Variants in TTN observed in about 807,000 individuals in gnomAD.
The protein encoded by TTN is connectin.
In TTN, 1,525 loss-of-function variants were observed where a neutral mutation model predicts 3,223.0. The observed-to-expected ratio is 0.47, with a 90% CI of 0.45 to 0.49. The LOEUF (loss-of-function observed/expected upper bound fraction) is 0.49, where lower values mean the gene tolerates loss of function less well. TTN is among the 20% of genes least tolerant of loss of function. The probability of loss-of-function intolerance (pLI) is 0.00; values close to 1 mark genes in which losing one functional copy is unlikely to be tolerated. For synonymous variants in TTN, 14,094 were observed against 15,161.0 expected (o/e 0.93, Z 5.17); for missense variants, 40,786 against 43,424.0 (o/e 0.94, Z 5.40).
At chr2:178,647,515 A>G in intron 213 of TTN, 51 bp from the exon 214 acceptor site, 1 of 1,522,416 alleles carries the variant, frequency 6.6e-7, no homozygotes, top group Non-Finnish European at 8.9e-7. Flanking sequence ...GACATGCAAG[A>G]TTGTCTAAAG....
intron 211 of TTN, 59 bp from the exon 212 acceptor site, chr2:178,649,690 C>T: frequency 6.5e-7 from 1 of 1,536,470 alleles, no homozygotes; most frequent in Non-Finnish European, 8.9e-7. Flanking sequence ...GATATACATA[C>T]AAGTTTATTC....
chr2:178,647,067 C>A lies in TTN; in HGVS notation c.40219G>T (p.Glu13407Ter). 2.5e-6 allele frequency: 3 copies of A among 1,208,410 alleles called. No homozygotes were observed. Among genetic ancestry groups the A allele is most frequent in the East Asian group, 3.0e-5 (1 of 33,484 alleles). 74.9% of individuals were successfully genotyped at this position (1,208,410 alleles called of 1,614,324 possible). A position where few individuals can be genotyped will look rare whatever the true frequency, so the allele number is the denominator to read the frequency against. The part of the protein sequence containing the change: ...TIGRKETPPV[E>*]EREIEKYIKP... ...ATATATATATATATATATATACCTT[C>A]AACAGGGGGAGTCTCTTTTCTACCA... Residue 13407 changes from glutamate (E) to a stop codon, truncating the protein, a stop_gained, in exon 215 of 363, where the codon GAA becomes TAA. Transcript: ENST00000589042. LOFTEE classifies it high-confidence loss of function.
At chr2:178,746,908 G>T in intron 47 of TTN, 1 of 1,613,412 alleles carries the variant, frequency 6.2e-7, no homozygotes, top group African/African-American at 1.3e-5. Context: ...CAAATGAATC[G>T]GAACGCCATA....
rs747598377 is a variant in TTN at position 178,773,853 on chromosome 2, G to A, written c.7315C>T (p.Arg2439Cys). Residue 2439 changes from arginine (R) to cysteine (C), a missense_variant, in exon 31 of 363, where the codon CGT becomes TGT. Transcript: ENST00000589042. Reference sequence around the variant, plus strand: ...TAGGACTCACTATAGACAGAGACACGCCCACTGGTGGAGAGGCCAAGGGCT... The same window carrying A: ...TAGGACTCACTATAGACAGAGACACACCCACTGGTGGAGAGGCCAAGGGCT... ...IPALGLSTSG[R>C]VSVYSVDVIT... 16 of 1,614,010 alleles carry A rather than the reference G, an allele frequency of 9.9e-6. No homozygotes were observed. The highest frequency in any genetic ancestry group is 3.3e-5 in the Admixed American group (2 of 60,010).
chr2:178,608,112 T>G, intron 275 of TTN, 31 bp from the exon 276 acceptor site: 1 of 1,606,730 alleles, frequency 6.2e-7, no homozygotes, highest in Non-Finnish European at 8.5e-7. Flanking sequence ...CAAATCAAAC[T>G]CCCTGATGGT....
chr2:178,669,654 A>G lies in TTN; in HGVS notation c.35408T>C (p.Ile11803Thr). 9.3e-6 allele frequency: 15 copies of G among 1,612,172 alleles called. No homozygotes were observed. Among genetic ancestry groups the G allele is most frequent in the South Asian group, 3.3e-5 (3 of 91,048 alleles). The change falls in exon 158 of 363, where the codon ATT (isoleucine) becomes ACT (threonine). Residue 11803 changes from isoleucine to threonine, a missense_variant. Ile to Thr is a moderately conservative substitution (Grantham distance 89, BLOSUM62 -1). Coordinates refer to ENST00000589042, the MANE Select transcript of TTN (RefSeq NM_001267550.2). ...TTCACGAACTTTTTCTTCTGGGACA[A>G]TTTTCTTGGGTACTTCGGGTGCTTT... Reference protein sequence around the residue: ...PTKAPEVPKKIVPEEKVREAV... With the variant: ...PTKAPEVPKKTVPEEKVREAV...
chr2:178,723,741 A>G, intron 73 of TTN, 45 bp from the exon 74 acceptor site: 1 of 1,529,624 alleles, frequency 6.5e-7, no homozygotes, highest in Non-Finnish European at 8.8e-7. Flanking sequence ...TAAGCTTCAG[A>G]TGGAGTTGCA....
rs373171028 is a variant in TTN at position 178,672,799 on chromosome 2, A to C, written c.34787-96T>G. On this transcript the variant is annotated intron_variant, in intron 152 of 362. Coordinates refer to ENST00000589042, the MANE Select transcript of TTN (RefSeq NM_001267550.2). ...ACAACGCCAACATTACAATAATTAA[A>C]GTTTTTCAGAAGTCACTCTGTACTG... 7.8e-6 allele frequency: 8 copies of C among 1,026,958 alleles called. No individual in the cohort carries two copies. The East Asian group carries it at 1.6e-4, about 20-fold the overall frequency. 63.6% of individuals were successfully genotyped at this position (1,026,958 alleles called of 1,614,324 possible). A position where few individuals can be genotyped will look rare whatever the true frequency, so the allele number is the denominator to read the frequency against.
Position 178,733,513 on chromosome 2 carries a change from A to G in TTN, c.15780T>C (p.Pro5260=), listed in dbSNP as rs765272935. 1 of 1,609,722 alleles carries G rather than the reference A, an allele frequency of 6.2e-7. No homozygotes were observed. The highest frequency in any genetic ancestry group is 2.2e-5 in the East Asian group (1 of 44,796). ...TSVGELIVKE[P]AKIIERAELI... Reference sequence around the variant, plus strand: ...GTTCTGCTCGCTCAATGATTTTGGCAGGTTCTACAATGGTATGAAATAGTT... The same window carrying G: ...GTTCTGCTCGCTCAATGATTTTGGCGGGTTCTACAATGGTATGAAATAGTT... Residue 5260 remains proline (P), a synonymous_variant, in exon 54 of 363, where the codon CCT becomes CCC. Coordinates refer to ENST00000589042, the MANE Select transcript of TTN (RefSeq NM_001267550.2).
Position 178,565,239 on chromosome 2 carries a change from G to C in TTN, c.80893C>G (p.Leu26965Val), listed in dbSNP as rs1186366124. 1 of 1,613,576 alleles carries C rather than the reference G, an allele frequency of 6.2e-7. No individual in the cohort carries two copies. Among genetic ancestry groups the C allele is most frequent in the Admixed American group, 1.7e-5 (1 of 59,966 alleles). The change falls in exon 326 of 363, where the codon CTC becomes GTC. Residue 26965 changes from leucine (L) to valine (V), a missense_variant. By Grantham distance (32) the Leu-to-Val change is conservative. Coordinates refer to ENST00000589042, the MANE Select transcript of TTN (RefSeq NM_001267550.2). ...GGCTTTTCTAAAACGATAACACTGA[G>C]ATTTTCTGTTGCTGTGCCTGCACTA... ...TNSAGTATEN[L>V]SVIVLEKPGP...
At chr2:178,757,022 G>A (rs1371880817) in intron 45 of TTN, among the ~76,000 whole-genome samples, 1 of 152,084 alleles carries the variant, frequency 6.6e-6, no homozygotes, top group African/African-American at 2.4e-5. Context: ...TCATGCAGAT[G>A]CCATGCAGTA....
In TTN at chr2:178,583,882, A is replaced by G. The variant is rs762578274; in HGVS notation, c.65300T>C (p.Ile21767Thr). 3.3e-5 allele frequency: 52 copies of G among 1,591,668 alleles called. No homozygotes were observed. Among genetic ancestry groups the G allele is most frequent in the Non-Finnish European group, 4.0e-5 (47 of 1,166,008 alleles). Reference sequence around the variant, plus strand: ...AGATACAGTACTCTTGGTGACATCAATAACCTCAGGTTTCCCAGGAGGATC... The same window carrying G: ...AGATACAGTACTCTTGGTGACATCAGTAACCTCAGGTTTCCCAGGAGGATC... ...PVDPPGKPEV[I>T]DVTKSTVSLI... Residue 21767 changes from isoleucine (I) to threonine (T), a missense_variant, in exon 312 of 363, where the codon ATT (isoleucine) becomes ACT (threonine). Coordinates refer to ENST00000589042, the MANE Select transcript of TTN (RefSeq NM_001267550.2).
intron 88 of TTN, 61 bp from the exon 89 acceptor site, chr2:178,715,835 T>C: frequency 6.8e-7 from 1 of 1,460,380 alleles, no homozygotes; most frequent in Non-Finnish European, 9.1e-7. Context: ...TAATTCAAGA[T>C]GAGGTGGAAA....
In TTN at chr2:178,566,131, G is replaced by C; in HGVS notation, c.80001C>G (p.Asn26667Lys). The C allele has an allele frequency of 6.2e-7, 1 of 1,613,616 alleles. No homozygotes were observed. Among genetic ancestry groups the C allele is most frequent in the Non-Finnish European group, 8.5e-7 (1 of 1,179,658 alleles). Residue 26667 changes from asparagine to lysine, a missense_variant, in exon 326 of 363, where the codon AAC becomes AAG. Coordinates refer to ENST00000589042, the MANE Select transcript of TTN (RefSeq NM_001267550.2). ...CAAAAGCAGACTTTGATCCACTGCT[G>C]TTTTCCAACTTAAGAATGTATTTTC... is the stretch of plus-strand genomic sequence containing the variant. ...DAGKYILKLENSSGSKSAFVT... is the reference protein window; with the variant it reads ...DAGKYILKLEKSSGSKSAFVT...
rs1454800092 is a variant in TTN, at chr2:178,653,279, G to A, written c.38750C>T (p.Pro12917Leu). Reference protein sequence around the residue: ...PKEVVLEKKVPLAPPKKPEVP... With the variant: ...PKEVVLEKKVLLAPPKKPEVP... Reference sequence around the variant, plus strand: ...TTCAGGCTTTTTAGGAGGAGCCAAGGGCACTTTCTTTTCAAGGACAACTTC... The same window carrying A: ...TTCAGGCTTTTTAGGAGGAGCCAAGAGCACTTTCTTTTCAAGGACAACTTC... The change falls in exon 198 of 363, where the codon CCC becomes CTC. Residue 12917 changes from proline (P) to leucine (L), a missense_variant. By Grantham distance (98) the Pro-to-Leu change is moderately conservative (BLOSUM62 -3). Transcript: ENST00000589042. The A allele has an allele frequency of 6.2e-7, 1 of 1,612,272 alleles. No individual in the cohort carries two copies.
At chr2:178,649,919 G>C (rs779411574) in intron 210 of TTN, 25 bp from the exon 211 acceptor site, 10 of 1,593,494 alleles carry the variant, frequency 6.3e-6, no homozygotes, top group Non-Finnish European at 8.5e-6. Flanking sequence ...ATTTCTTTTA[G>C]AATTAGGTGA....
chr2:178,643,382 T>A (rs1252606738), intron 218 of TTN, among the ~76,000 whole-genome samples: 1 of 151,978 alleles, frequency 6.6e-6, no homozygotes, highest in Non-Finnish European at 1.5e-5. Flanking sequence ...GTCAAATATT[T>A]TAAGTAAAAA....
At chr2:178,669,701 T>A in intron 157 of TTN, 26 bp from the exon 158 acceptor site, 1 of 1,605,268 alleles carries the variant, frequency 6.2e-7, no homozygotes, top group Non-Finnish European at 8.5e-7. Context: ...TTTATCTTAT[T>A]TTTTCAGAAC....
Position 178,580,558 on chromosome 2 carries a change from C to A in TTN, c.66821G>T (p.Arg22274Leu), listed in dbSNP as rs772979195. Residue 22274 changes from arginine to leucine, a missense_variant, in exon 317 of 363, where the codon CGT becomes CTT. Transcript: ENST00000589042. ...ATATAGTCTCATAGTAACTCCAGCA[C>A]GTAATATGAGTGTCTTCCTTAAGTC... ...DADLRKTLILRAGVTMRLYVP... is the reference protein window; with the variant it reads ...DADLRKTLILLAGVTMRLYVP... 4 of 1,612,454 alleles carry A rather than the reference C, an allele frequency of 2.5e-6. No individual in the cohort carries two copies. In the African/African-American group the frequency reaches 4.0e-5, roughly 16 times the overall value.
Sources: allele counts gnomAD v4.1 joint callset (sites outside exome capture counted in the v4.1 genomes callset), GRCh38; gene constraint gnomAD v4.1.1; transcripts MANE v1.5; gene names NCBI Gene and HGNC (gene_info 2026-07-23, HGNC 2026-07-21).